Variants in CDH12 observed in about 807,000 individuals in gnomAD.
CDH12 encodes cadherin 12, also known as cadherin-12.
In CDH12, 41 loss-of-function variants were observed where a neutral mutation model predicts 74.1. The ratio of observed to expected loss-of-function variants is 0.55; its 90% confidence interval spans 0.43 to 0.72. CDH12 has a LOEUF of 0.72. Among genes scored for constraint, CDH12 ranks in the 30% least tolerant of loss-of-function variants. The pLI is 0.00. For synonymous variants in CDH12, 399 were observed against 355.0 expected, an observed-to-expected ratio of 1.12 and a Z score of -1.39; for missense variants, 945 against 977.2, an observed-to-expected ratio of 0.97 and a Z score of 0.44.
chr5:22,096,069 T>C (rs1458878329), intron 4 of CDH12, among the ~76,000 whole-genome samples: 1 of 151,768 alleles, frequency 6.6e-6, no homozygotes, highest in African/African-American at 2.4e-5. Context: ...CCCTGCTCTT[T>C]AAACTTGCCT....
At chr5:22,324,395 C>T (rs940984303) in intron 3 of CDH12, among the ~76,000 whole-genome samples, 6 of 151,720 alleles carry the variant, frequency 4.0e-5, no homozygotes, top group Non-Finnish European at 5.9e-5. Flanking sequence ...TTAAAATATC[C>T]TTGTTTTTAC....
intron 3 of CDH12, among the ~76,000 whole-genome samples, chr5:22,400,321 G>T (rs1398527613): frequency 6.6e-6 from 1 of 152,152 alleles, no homozygotes; most frequent in Non-Finnish European, 1.5e-5. Flanking sequence ...CTGATAAAGA[G>T]GACTGTATAT....
intron 6 of CDH12, among the ~76,000 whole-genome samples, chr5:21,889,138 T>C (rs182871640): frequency 6.6e-6 from 1 of 152,184 alleles, no homozygotes; most frequent in Admixed American, 6.5e-5. Flanking sequence ...TGATAAGTAA[T>C]GTTTTTATAT....
intron 1 of CDH12, among the ~76,000 whole-genome samples, chr5:22,645,266 TATC>T (rs1167501463): frequency 6.6e-6 from 1 of 152,090 alleles, no homozygotes; most frequent in Non-Finnish European, 1.5e-5. Flanking sequence ...GAGGTCAAAA[TATC>T]AACATCAACA....
intron 2 of CDH12, among the ~76,000 whole-genome samples, chr5:22,447,218 C>T (rs1277495189): frequency 1.3e-5 from 2 of 151,998 alleles, no homozygotes; most frequent in African/African-American, 4.8e-5. Flanking sequence ...TCATAGACTA[C>T]TTCATTGTAT....
At chr5:21,945,287 G>A (rs1755520659) in intron 6 of CDH12, among the ~76,000 whole-genome samples, 1 of 151,808 alleles carries the variant, frequency 6.6e-6, no homozygotes. Flanking sequence ...TTAGCCGGGT[G>A]CATTGGCACA....
intron 1 of CDH12, among the ~76,000 whole-genome samples, chr5:22,552,335 C>A (rs903815344): frequency 2.6e-5 from 4 of 151,966 alleles, no homozygotes; most frequent in Admixed American, 2.0e-4. Flanking sequence ...AATTTCTAAG[C>A]ATTACAGGTC....
intron 1 of CDH12, among the ~76,000 whole-genome samples, chr5:22,611,467 G>C (rs968970859): frequency 1.7e-4 from 26 of 152,036 alleles, no homozygotes; most frequent in African/African-American, 6.0e-4. Context: ...ACAACAAATG[G>C]TTCTCCCAGT....
At chr5:22,608,333 T>C (rs890953196) in intron 1 of CDH12, among the ~76,000 whole-genome samples, 10 of 152,220 alleles carry the variant, frequency 6.6e-5, no homozygotes, top group African/African-American at 1.7e-4. Flanking sequence ...GACCACTCTA[T>C]TGGACTTCAG....
chr5:22,395,599 AT>A (rs1465347666), intron 3 of CDH12, among the ~76,000 whole-genome samples: 7 of 152,124 alleles, frequency 4.6e-5, no homozygotes, highest in Non-Finnish European at 8.8e-5. Context: ...AAAACTGGGA[AT>A]TAATTTTTTT....
chr5:22,401,025 TA>T (rs1742707922), intron 3 of CDH12, among the ~76,000 whole-genome samples: 1 of 152,170 alleles, frequency 6.6e-6, no homozygotes, highest in Non-Finnish European at 1.5e-5. Flanking sequence ...TTCCATATAA[TA>T]AATAAAGTTG....
At chr5:21,839,119 A>G (rs1449775383) in intron 8 of CDH12, among the ~76,000 whole-genome samples, 1 of 152,162 alleles carries the variant, frequency 6.6e-6, no homozygotes, top group East Asian at 1.9e-4. Flanking sequence ...TAGCTATTAC[A>G]GCTTGCCACA....
chr5:22,516,911 A>G (rs1039971809), intron 1 of CDH12, among the ~76,000 whole-genome samples: 21 of 152,180 alleles, frequency 1.4e-4, no homozygotes, highest in Admixed American at 1.3e-3. Flanking sequence ...GAGGTGTTAA[A>G]AAATGAATGG....
At chr5:22,831,365 GTGTGTC>G (rs1270500802) in intron 1 of CDH12, among the ~76,000 whole-genome samples, 16 of 135,820 alleles carry the variant, frequency 1.2e-4, no homozygotes, top group South Asian at 2.4e-4. Context: ...GTGTGTGTGT[GTGTGTC>G]TGTGTGTGTG....
At chr5:21,906,984 C>T (rs6452029) in intron 6 of CDH12, among the ~76,000 whole-genome samples, 110,698 of 152,130 alleles carry the variant, frequency 0.73, 42,783 homozygotes, top group Non-Finnish European at 0.85. Context: ...GGCAATAGTT[C>T]TGTCTTGGTA....
At chr5:21,789,630 A>T (rs6874066) in intron 10 of CDH12, among the ~76,000 whole-genome samples, 12,979 of 152,070 alleles carry the variant, frequency 0.085, 927 homozygotes, top group African/African-American at 0.19. Context: ...TGAAAATCCC[A>T]TACTCTTTTC....
intron 4 of CDH12, among the ~76,000 whole-genome samples, chr5:22,122,513 C>G (rs1233857444): frequency 2.0e-5 from 3 of 151,892 alleles, no homozygotes; most frequent in Non-Finnish European, 4.4e-5. Flanking sequence ...CCTCACTACA[C>G]TACCAGCTTT....
intron 1 of CDH12, among the ~76,000 whole-genome samples, chr5:22,764,521 G>A (rs901364066): frequency 1.3e-5 from 2 of 151,862 alleles, no homozygotes; most frequent in African/African-American, 4.8e-5. Context: ...TGAAATTAGA[G>A]GGCAAATATA....
intron 6 of CDH12, among the ~76,000 whole-genome samples, chr5:21,973,773 G>A (rs1053425266): frequency 6.6e-6 from 1 of 152,072 alleles, no homozygotes; most frequent in African/African-American, 2.4e-5. Flanking sequence ...TTTTCTCCCT[G>A]TAAAATCAAG....
Sources: gnomAD v4.1 joint callset for allele counts (sites outside exome capture counted in the v4.1 genomes callset) on GRCh38, gnomAD v4.1.1 for gene constraint, MANE v1.5 for transcripts, NCBI Gene and HGNC (gene_info 2026-07-23, HGNC 2026-07-21) for gene names.